The following CDS1 variants were observed in gnomAD, a reference collection of about 807,000 sequenced individuals.
CDS1 encodes CDP-diacylglycerol synthase 1.
In CDS1, 41 loss-of-function variants were observed where a neutral mutation model predicts 62.1. That is an observed-to-expected ratio of 0.66 (90% confidence interval 0.51 to 0.86). The LOEUF is 0.86. Ranked by LOEUF, CDS1 falls within the 40% of genes least tolerant of loss-of-function variation. CDS1 has a pLI of 0.00. For synonymous variants in CDS1, 185 were observed against 192.6 expected, an observed-to-expected ratio of 0.96 and a Z score of 0.32; for missense variants, 470 against 550.1, an observed-to-expected ratio of 0.85 and a Z score of 1.46.
At chr4:84,647,408 G>GCCT (rs1394306368) in intron 12 of CDS1, among the ~76,000 whole-genome samples, 1 of 152,116 alleles carries the variant, frequency 6.6e-6, no homozygotes, top group African/African-American at 2.4e-5. Context: ...GAGGTGTCAT[G>GCCT]CTGAGCCATG....
intron 10 of CDS1, among the ~76,000 whole-genome samples, chr4:84,642,326 C>CAA (rs1268824695): frequency 8.6e-4 from 76 of 88,468 alleles, no homozygotes; most frequent in Admixed American, 1.9e-3. Context: ...AACTCTGCCT[C>CAA]AAAAAAAAAA....
chr4:84,592,046 T>C (rs1435862680), intron 1 of CDS1, among the ~76,000 whole-genome samples: 2 of 152,138 alleles, frequency 1.3e-5, no homozygotes, highest in African/African-American at 4.8e-5. Context: ...TTTATAGCTG[T>C]TTATACTTTA....
intron 8 of CDS1, among the ~76,000 whole-genome samples, chr4:84,635,658 C>T (rs1560481651): frequency 8.1e-6 from 1 of 123,802 alleles, no homozygotes; most frequent in Non-Finnish European, 1.7e-5. Flanking sequence ...TTCCTTCCTT[C>T]CTTCCTTCCT....
intron 1 of CDS1, among the ~76,000 whole-genome samples, chr4:84,596,709 G>T (rs553153651): frequency 5.9e-5 from 9 of 152,314 alleles, no homozygotes; most frequent in South Asian, 2.1e-4. Context: ...GAATATCTTG[G>T]TGGGGGGAGT....
intron 5 of CDS1, among the ~76,000 whole-genome samples, chr4:84,625,361 C>T (rs537591886): frequency 6.6e-6 from 1 of 152,226 alleles, no homozygotes; most frequent in East Asian, 1.9e-4. Flanking sequence ...TGATTGTGTG[C>T]TTTCCAGGGT....
intron 3 of CDS1, among the ~76,000 whole-genome samples, chr4:84,615,712 A>C (rs1392943493): frequency 6.6e-6 from 1 of 152,092 alleles, no homozygotes; most frequent in African/African-American, 2.4e-5. Context: ...TTATTTCTAT[A>C]AGTCCTCAGT....
intron 5 of CDS1, among the ~76,000 whole-genome samples, chr4:84,626,565 C>T (rs1463761559): frequency 6.6e-6 from 1 of 152,102 alleles, no homozygotes; most frequent in Non-Finnish European, 1.5e-5. Flanking sequence ...GGATTACAGG[C>T]GTGTATTACC....
At chr4:84,625,680 G>A (rs757415362) in intron 5 of CDS1, among the ~76,000 whole-genome samples, 2 of 151,930 alleles carry the variant, frequency 1.3e-5, no homozygotes, top group African/African-American at 4.8e-5. Flanking sequence ...TCATGGGAAA[G>A]GTTTGGACTT....
In CDS1 at chr4:84,583,533, G is replaced by A; in HGVS notation, c.117+15G>A. On this transcript the variant is annotated intron_variant, in intron 1 of 12. Transcript: ENST00000295887. ...CCAGCGACAAAGTAAGTGGAGCCGA[G>A]AGAGGCGGACGCCGCGCCCTGGCTG... 6.8e-7 allele frequency: 1 copy of A among 1,460,862 alleles called. No individual in the cohort carries two copies. The highest frequency in any genetic ancestry group is 9.2e-7 in the Non-Finnish European group (1 of 1,088,986). The allele number at this position is 1,460,862 out of a possible 1,614,324, so 90.5% of individuals were successfully genotyped here. A position where few individuals can be genotyped will look rare whatever the true frequency, so the allele number is the denominator to read the frequency against.
At chr4:84,641,826 A>G (rs945951189) in intron 10 of CDS1, among the ~76,000 whole-genome samples, 1 of 152,256 alleles carries the variant, frequency 6.6e-6, no homozygotes, top group Non-Finnish European at 1.5e-5. Flanking sequence ...GTGTGCACAC[A>G]TGTACAGCTT....
chr4:84,596,491 A>G (rs867230185), intron 1 of CDS1, among the ~76,000 whole-genome samples: 20 of 152,090 alleles, frequency 1.3e-4, no homozygotes, highest in Non-Finnish European at 2.6e-4. Context: ...CAGCATCACT[A>G]TACCTCTGCT....
At chr4:84,601,750 T>A (rs1352778131) in intron 1 of CDS1, among the ~76,000 whole-genome samples, 1 of 151,836 alleles carries the variant, frequency 6.6e-6, no homozygotes, top group Non-Finnish European at 1.5e-5. Context: ...CCATCTTTAC[T>A]AAAAATACAA....
At chr4:84,647,292 T>C (rs972621928) in intron 12 of CDS1, among the ~76,000 whole-genome samples, 2 of 152,156 alleles carry the variant, frequency 1.3e-5, no homozygotes, top group African/African-American at 4.8e-5. Context: ...TGGGTATTAG[T>C]AATTAGTGGT....
rs1722977664 is a variant in CDS1 at position 84,602,814 on chromosome 4, G to A, written c.118-1429G>A. ...GGATGTTCTATCTGGTTGTTTATTAGTTACCATCTCTCTCTATTTAAGCAG... is the reference window on the plus strand; with the variant it reads ...GGATGTTCTATCTGGTTGTTTATTAATTACCATCTCTCTCTATTTAAGCAG... On this transcript the variant is annotated intron_variant, in intron 1 of 12. Transcript: ENST00000295887. Among the ~76,000 whole-genome samples, 7 of 152,048 alleles carry A rather than the reference G, an allele frequency of 4.6e-5. No homozygotes were observed. In the South Asian group the frequency reaches 1.5e-3, roughly 32 times the overall value.
intron 3 of CDS1, among the ~76,000 whole-genome samples, chr4:84,614,480 A>C (rs1723426687): frequency 6.6e-6 from 1 of 152,200 alleles, no homozygotes. Flanking sequence ...TAACACTATC[A>C]TGAACATATT....
In CDS1 at chr4:84,607,122, AC is replaced by A. The variant is rs1723118976; in HGVS notation, c.246-2305del. On this transcript the variant is annotated intron_variant, in intron 2 of 12. Transcript: ENST00000295887. ...AAAGTTGAATGAATGCAATTTGACT[AC>A]CTTATGAAGAAACTCATAAGCTGGA... Among the ~76,000 whole-genome samples, 3 of 152,160 alleles carry A rather than the reference AC, an allele frequency of 2.0e-5. No individual in the cohort carries two copies. The South Asian group carries it at 6.2e-4, about 32-fold the overall frequency.
intron 5 of CDS1, among the ~76,000 whole-genome samples, chr4:84,620,726 C>T (rs1723660186): frequency 6.6e-6 from 1 of 152,044 alleles, no homozygotes; most frequent in Non-Finnish European, 1.5e-5. Flanking sequence ...CCAGATTGCT[C>T]ATTTGAATTC....
chr4:84,647,878 T>A (rs76511495), intron 12 of CDS1, among the ~76,000 whole-genome samples: 1 of 152,208 alleles, frequency 6.6e-6, no homozygotes, highest in Non-Finnish European at 1.5e-5. Context: ...CCCACATAAA[T>A]GTCTTTCTTA....
intron 1 of CDS1, among the ~76,000 whole-genome samples, chr4:84,589,899 C>T (rs951318994): frequency 1.3e-5 from 2 of 152,192 alleles, no homozygotes; most frequent in African/African-American, 4.8e-5. Context: ...CAAGCTCTGC[C>T]TCCCGGGTTC....
Sources: gnomAD v4.1 joint callset for allele counts (sites outside exome capture counted in the v4.1 genomes callset) on GRCh38, gnomAD v4.1.1 for gene constraint, MANE v1.5 for transcripts, NCBI Gene and HGNC (gene_info 2026-07-23, HGNC 2026-07-21) for gene names.